ZNF385D: variants seen among roughly 807,000 people sequenced by gnomAD.
ZNF385D encodes the protein zinc finger protein 385D.
In ZNF385D, 15 loss-of-function variants were observed where a neutral mutation model predicts 35.8. The ratio of observed to expected loss-of-function variants is 0.42; its 90% confidence interval spans 0.28 to 0.64. The LOEUF (loss-of-function observed/expected upper bound fraction) is 0.64. Among genes scored for constraint, ZNF385D ranks in the 30% least tolerant of loss-of-function variants. ZNF385D has a pLI of 0.23. For missense variants in ZNF385D, 474 were observed against 494.6 expected, an observed-to-expected ratio of 0.96 and a Z score of 0.39; for synonymous variants, 212 against 186.8, an observed-to-expected ratio of 1.13 and a Z score of -1.10.
chr3:21,694,587 C>G (rs563388887), intron 1 of ZNF385D, among the ~76,000 whole-genome samples: 1 of 152,180 alleles, frequency 6.6e-6, no homozygotes, highest in East Asian at 1.9e-4. Flanking sequence ...AAAGACAATT[C>G]GGAAAACAAA....
At chr3:21,617,715 T>C (rs920145930) in intron 2 of ZNF385D, among the ~76,000 whole-genome samples, 3 of 152,178 alleles carry the variant, frequency 2.0e-5, no homozygotes, top group Non-Finnish European at 4.4e-5. Flanking sequence ...GTTGCACTGA[T>C]GTCCTTTGAT....
chr3:22,015,764 C>G (rs7620894), intron 3 of ZNF385D, among the ~76,000 whole-genome samples: 1 of 152,062 alleles, frequency 6.6e-6, no homozygotes, highest in Non-Finnish European at 1.5e-5. Context: ...TAATTGCTCT[C>G]CATCTCCTGG....
intron 3 of ZNF385D, among the ~76,000 whole-genome samples, chr3:21,943,318 G>A (rs988117788): frequency 1.3e-5 from 2 of 151,008 alleles, no homozygotes; most frequent in Non-Finnish European, 3.0e-5. Flanking sequence ...GTATATATAT[G>A]TATATATATA....
At chr3:21,636,440 C>T (rs2065453135) in intron 2 of ZNF385D, among the ~76,000 whole-genome samples, 1 of 125,984 alleles carries the variant, frequency 7.9e-6, no homozygotes, top group South Asian at 2.5e-4. Flanking sequence ...TATTAACTCA[C>T]ACGATCACAA....
intron 3 of ZNF385D, among the ~76,000 whole-genome samples, chr3:22,139,409 T>C (rs1463796406): frequency 1.3e-5 from 2 of 152,012 alleles, no homozygotes; most frequent in Non-Finnish European, 2.9e-5. Flanking sequence ...ATGTGGCACA[T>C]ATACACCATG....
intron 2 of ZNF385D, among the ~76,000 whole-genome samples, chr3:22,302,037 C>T (rs1284206106): frequency 6.6e-6 from 1 of 151,794 alleles, no homozygotes; most frequent in Non-Finnish European, 1.5e-5. Flanking sequence ...ATATTGTTTC[C>T]ATGTTTATAC....
chr3:21,684,405 CTCTCTCT>C (rs2067032715), intron 1 of ZNF385D, among the ~76,000 whole-genome samples: 2 of 8,778 alleles, frequency 2.3e-4, no homozygotes, highest in Non-Finnish European at 2.6e-4. Context: ...TCTCTCTCTC[CTCTCTCT>C]CTCTCTCTCT....
At position 22,185,804 on chromosome 3, in the gene ZNF385D, T is replaced by A. The variant is rs77273266; in HGVS notation, c.107-16769A>T. Among the ~76,000 whole-genome samples the A allele has an allele frequency of 4.8e-3, 737 of 152,298 alleles. 10 individuals are homozygous for A. The highest frequency in any genetic ancestry group is 0.017 in the African/African-American group (690 of 41,560). ...AAAAATAAAAGATTTCTGTCCCACC[T>A]GGAAAAGCACCCTGGGGAGAAAGAT... On this transcript the variant is annotated intron_variant, in intron 2 of 5. Transcript: ENST00000494108.
chr3:22,001,429 A>G (rs932426508), intron 3 of ZNF385D, among the ~76,000 whole-genome samples: 4 of 152,166 alleles, frequency 2.6e-5, no homozygotes, highest in African/African-American at 9.6e-5. Context: ...ATTCATCAAG[A>G]AGATATAACA....
At chr3:21,820,532 T>C (rs895350560) in intron 3 of ZNF385D, among the ~76,000 whole-genome samples, 9 of 151,620 alleles carry the variant, frequency 5.9e-5, no homozygotes, top group Non-Finnish European at 1.0e-4. Flanking sequence ...ATTTAGATAA[T>C]TATATTAGAT....
intron 2 of ZNF385D, among the ~76,000 whole-genome samples, chr3:22,269,549 T>A (rs1189580674): frequency 6.6e-6 from 1 of 151,836 alleles, no homozygotes; most frequent in East Asian, 1.9e-4. Context: ...TTAGAAACAA[T>A]TTGAGTAATG....
chr3:21,976,542 A>G (rs996324660), intron 3 of ZNF385D, among the ~76,000 whole-genome samples: 3 of 152,210 alleles, frequency 2.0e-5, no homozygotes, highest in African/African-American at 4.8e-5. Flanking sequence ...AAATACACAG[A>G]AGAGTACAGG....
At chr3:22,186,972 C>A (rs1469660074) in intron 2 of ZNF385D, among the ~76,000 whole-genome samples, 2 of 151,894 alleles carry the variant, frequency 1.3e-5, no homozygotes, top group Non-Finnish European at 2.9e-5. Context: ...TGTAATTATC[C>A]CCAATTTACA....
intron 2 of ZNF385D, among the ~76,000 whole-genome samples, chr3:22,328,121 T>C (rs1211672117): frequency 1.3e-5 from 2 of 152,164 alleles, no homozygotes; most frequent in Admixed American, 6.6e-5. Context: ...AGATTACTTA[T>C]TCCATTTACA....
chr3:21,798,565 C>A (rs958980217), intron 3 of ZNF385D, among the ~76,000 whole-genome samples: 4 of 152,136 alleles, frequency 2.6e-5, no homozygotes, highest in East Asian at 1.9e-4. Flanking sequence ...TTAGGTCAGT[C>A]CCACCAGGAT....
Position 22,296,464 on chromosome 3 carries a change from A to AT in ZNF385D, c.106+75985dup, listed in dbSNP as rs1428804159. On this transcript the variant is annotated intron_variant, in intron 2 of 5. Transcript: ENST00000494108. ...TGCAAGCAGTTCTTCAAGGAAGGGT[A>AT]TGTCTAATGCCTATGAAAGATAAAA... 2.6e-5 allele frequency among the ~76,000 whole-genome samples: 4 copies of AT among 152,280 alleles called. No individual in the cohort carries two copies. The East Asian group carries it at 7.7e-4, about 29-fold the overall frequency.
chr3:21,812,358 G>A (rs542704275), intron 3 of ZNF385D, among the ~76,000 whole-genome samples: 62 of 152,360 alleles, frequency 4.1e-4, no homozygotes, highest in African/African-American at 1.4e-3. Flanking sequence ...GTTGGACAGT[G>A]GGGGCAGCCC....
intron 5 of ZNF385D, 60 bp downstream of exon 5, chr3:21,436,910 C>G: frequency 6.7e-7 from 1 of 1,491,282 alleles, no homozygotes; most frequent in Non-Finnish European, 9.2e-7. Context: ...AAGATCTAAT[C>G]TATTCAGAGG....
Position 22,044,871 on chromosome 3 carries a change from G to A in ZNF385D, c.325+123946C>T, listed in dbSNP as rs569323521. 1.2e-4 allele frequency among the ~76,000 whole-genome samples: 18 copies of A among 152,176 alleles called. 1 individual carries two copies. In the South Asian group the frequency reaches 3.7e-3, roughly 32 times the overall value. The stretch of plus-strand genomic sequence containing the variant: ...ACTCATCCTCTTTGTGAGAAAAAGA[G>A]ATGATGAATGTGAAACTTTCCTTAC... On this transcript the variant is annotated intron_variant, in intron 3 of 5. Transcript: ENST00000494108.
Sources: gnomAD v4.1 joint callset for allele counts (sites outside exome capture counted in the v4.1 genomes callset) on GRCh38, gnomAD v4.1.1 for gene constraint, MANE v1.5 for transcripts, NCBI Gene and HGNC (gene_info 2026-07-23, HGNC 2026-07-21) for gene names.